Variants in ZBTB20 observed in about 807,000 individuals in gnomAD.
The protein encoded by ZBTB20 is zinc finger and BTB domain containing 20, also known as zinc finger and BTB domain-containing protein 20.
In ZBTB20, 9 loss-of-function variants were observed where a neutral mutation model predicts 56.9. The ratio of observed to expected loss-of-function variants is 0.16; its 90% CI spans 0.10 to 0.28. The LOEUF (loss-of-function observed/expected upper bound fraction) is 0.28. ZBTB20 is among the 10% of genes least tolerant of loss of function. ZBTB20 has a pLI of 1.00. For synonymous variants in ZBTB20, 417 were observed against 420.7 expected (o/e 0.99, Z 0.11); for missense variants, 655 against 1,003.0 (o/e 0.65, Z 4.69).
intron 7 of ZBTB20, among the ~76,000 whole-genome samples, chr3:114,440,717 T>C (rs2090857323): frequency 6.6e-6 from 1 of 152,184 alleles, no homozygotes; most frequent in Non-Finnish European, 1.5e-5. Context: ...GTACGAGTAC[T>C]GTCTTGGACC....
intron 1 of ZBTB20, among the ~76,000 whole-genome samples, chr3:115,083,803 G>A (rs1261972687): frequency 6.6e-6 from 1 of 152,020 alleles, no homozygotes; most frequent in African/African-American, 2.4e-5. Flanking sequence ...TCTCTCTGTA[G>A]AGTAGGATAT....
intron 11 of ZBTB20, among the ~76,000 whole-genome samples, chr3:114,344,473 A>ATCC (rs1352769683): frequency 6.6e-6 from 1 of 152,210 alleles, no homozygotes; most frequent in East Asian, 1.9e-4. Context: ...TGCAAAATGT[A>ATCC]TGATGCTACT....
At chr3:114,552,632 A>G (rs2050716527) in intron 6 of ZBTB20, among the ~76,000 whole-genome samples, 1 of 152,190 alleles carries the variant, frequency 6.6e-6, no homozygotes, top group African/African-American at 2.4e-5. Flanking sequence ...GGTTCACTCC[A>G]TGGTTATGAG....
intron 6 of ZBTB20, among the ~76,000 whole-genome samples, chr3:114,631,264 G>A (rs1372965709): frequency 1.3e-5 from 2 of 150,044 alleles, no homozygotes; most frequent in Non-Finnish European, 2.9e-5. Context: ...GGTAAAAATT[G>A]CCTCGATTAT....
intron 7 of ZBTB20, among the ~76,000 whole-genome samples, chr3:114,434,541 G>GGGGTGTGTGTGTGTGTTTGTGTGT (rs1553711977): frequency 0.037 from 3,151 of 85,578 alleles, 91 homozygotes; most frequent in African/African-American, 0.074. Flanking sequence ...CTGCAATTGG[G>GGGGTGTGTGTGTGTGTTTGTGTGT]GTGTGTGTGT....
intron 2 of ZBTB20, among the ~76,000 whole-genome samples, chr3:115,032,130 AT>A (rs1042557049): frequency 1.7e-4 from 26 of 150,742 alleles, no homozygotes; most frequent in East Asian, 9.7e-4. Flanking sequence ...CTTTAAAAAT[AT>A]TTTTTTTTCT....
chr3:114,741,308 A>C (rs1249203725), intron 5 of ZBTB20, among the ~76,000 whole-genome samples: 1 of 152,158 alleles, frequency 6.6e-6, no homozygotes, highest in African/African-American at 2.4e-5. Context: ...GACCTGACTA[A>C]TGTGTGCTGT....
At chr3:114,362,304 T>C (rs917274503) in intron 10 of ZBTB20, among the ~76,000 whole-genome samples, 2 of 152,186 alleles carry the variant, frequency 1.3e-5, no homozygotes, top group East Asian at 3.8e-4. Context: ...TAGTATCTTG[T>C]CTTGTTATAA....
intron 5 of ZBTB20, among the ~76,000 whole-genome samples, chr3:114,705,409 G>T (rs2063658080): frequency 6.6e-6 from 1 of 152,150 alleles, no homozygotes; most frequent in African/African-American, 2.4e-5. Flanking sequence ...AGTGTGATGT[G>T]ATTTAAAGCC....
intron 3 of ZBTB20, among the ~76,000 whole-genome samples, chr3:114,919,327 T>C (rs994453239): frequency 5.3e-5 from 8 of 151,852 alleles, no homozygotes; most frequent in African/African-American, 1.9e-4. Flanking sequence ...AAACCTCTAG[T>C]AGACACAAAA....
At chr3:115,077,613 T>G (rs2082641988) in intron 1 of ZBTB20, among the ~76,000 whole-genome samples, 1 of 152,216 alleles carries the variant, frequency 6.6e-6, no homozygotes, top group Non-Finnish European at 1.5e-5. Context: ...GACATACAAA[T>G]GGCCAAGAGA....
At chr3:114,582,801 A>C (rs1253906390) in intron 6 of ZBTB20, among the ~76,000 whole-genome samples, 1 of 152,274 alleles carries the variant, frequency 6.6e-6, no homozygotes, top group Non-Finnish European at 1.5e-5. Flanking sequence ...CTCTGATAAT[A>C]GAGCCCAATA....
chr3:114,314,505 GTTTT>G lies in ZBTB20; in HGVS notation c.*24496_*24499del, dbSNP rs762266503. 1 of 142,506 alleles carries G rather than the reference GTTTT, an allele frequency of 7.0e-6. No homozygotes were observed. The highest frequency in any genetic ancestry group is 1.5e-5 in the Non-Finnish European group (1 of 64,702). The allele number at this position is 142,506 out of a possible 1,614,324, so 8.8% of individuals were successfully genotyped here. ...GACACAATAGGAAACCAAGAGAAGA[GTTTT>G]TTTTTTTTTAATTATTCCTTCATAT... On this transcript the variant is annotated 3_prime_UTR_variant, in exon 12 of 12. Coordinates refer to ENST00000675478, the MANE Select transcript of ZBTB20 (RefSeq NM_001348800.3).
intron 3 of ZBTB20, among the ~76,000 whole-genome samples, chr3:114,915,423 C>T (rs546560347): frequency 6.6e-6 from 1 of 151,738 alleles, no homozygotes; most frequent in Non-Finnish European, 1.5e-5. Context: ...TGTAAGGTAA[C>T]CTTTTTCAAT....
intron 7 of ZBTB20, among the ~76,000 whole-genome samples, chr3:114,460,055 TA>T (rs1400656659): frequency 6.6e-6 from 1 of 151,948 alleles, no homozygotes; most frequent in Non-Finnish European, 1.5e-5. Context: ...AAGCTTAAGG[TA>T]AAAAAACTTG....
intron 4 of ZBTB20, among the ~76,000 whole-genome samples, chr3:114,899,220 C>T (rs2075010205): frequency 6.6e-6 from 1 of 152,024 alleles, no homozygotes; most frequent in African/African-American, 2.4e-5. Context: ...CTCACTTCTA[C>T]CCCAACAGCA....
At chr3:114,777,334 G>A (rs1216479993) in intron 5 of ZBTB20, among the ~76,000 whole-genome samples, 1 of 151,988 alleles carries the variant, frequency 6.6e-6, no homozygotes, top group Non-Finnish European at 1.5e-5. Context: ...GAGAAATGCT[G>A]TCTCTACTAA....
At position 114,560,700 on chromosome 3, in the gene ZBTB20, A is replaced by C. The variant is rs138819757; in HGVS notation, c.-294-60309T>G. On this transcript the variant is annotated intron_variant, in intron 6 of 11. Transcript: ENST00000675478. ...CTTTCAAGATTACCATCTGAGTGGT[A>C]ATCTTTTTGCTGGTGGAGGGTCTTG... Among the ~76,000 whole-genome samples the C allele has an allele frequency of 1.2e-4, 19 of 152,264 alleles. No individual in the cohort carries two copies. In the East Asian group the frequency reaches 3.7e-3, roughly 29 times the overall value.
At chr3:114,998,606 C>T (rs1306230953) in intron 2 of ZBTB20, among the ~76,000 whole-genome samples, 2 of 151,620 alleles carry the variant, frequency 1.3e-5, no homozygotes, top group Non-Finnish European at 2.9e-5. Context: ...TCTAGATATG[C>T]AGCAGAGTGG....
Sources: allele counts gnomAD v4.1 joint callset (sites outside exome capture counted in the v4.1 genomes callset), GRCh38; gene constraint gnomAD v4.1.1; transcripts MANE v1.5; gene names NCBI Gene and HGNC (gene_info 2026-07-23, HGNC 2026-07-21).